The following C7 variants were observed in gnomAD, a reference collection of about 807,000 sequenced individuals.
C7 encodes the protein complement component C7.
A neutral mutation model predicts 104.8 loss-of-function variants in C7; 83 were observed. The observed-to-expected ratio is 0.79, with a 90% CI of 0.66 to 0.95. The LOEUF is 0.95. Ranked by LOEUF, C7 falls within the 40% of genes least tolerant of loss-of-function variation. C7 has a pLI of 0.00. For synonymous variants in C7, 415 were observed against 360.6 expected, an observed-to-expected ratio of 1.15 and a Z score of -1.71; for missense variants, 1,070 against 1,011.2, an observed-to-expected ratio of 1.06 and a Z score of -0.79.
At chr5:40,909,715 C>A in intron 1 of C7, 99 bp downstream of exon 1, 1 of 750,030 alleles carries the variant, frequency 1.3e-6, no homozygotes, top group Non-Finnish European at 2.0e-6. Flanking sequence ...TAATACCTAA[C>A]TGAAAGACAT....
At position 40,983,753 on chromosome 5, in the gene C7, A is replaced by T. The variant is rs1741003502; in HGVS notation, c.*2180A>T. Among the ~76,000 whole-genome samples the T allele has an allele frequency of 6.6e-6, 1 of 152,208 alleles. No individual in the cohort carries two copies. On this transcript the variant is annotated 3_prime_UTR_variant, in exon 18 of 18. Coordinates refer to ENST00000313164, the MANE Select transcript of C7 (RefSeq NM_000587.4). ...CTTGAACACCTATGGAGAGGCTTTG[A>T]GGAAAGTTAAGGGAATGATTTTATA...
intron 15 of C7, among the ~76,000 whole-genome samples, chr5:40,974,386 C>CTTT (rs1561260330): frequency 7.2e-6 from 1 of 139,324 alleles, no homozygotes; most frequent in African/African-American, 2.7e-5. Flanking sequence ...GTAATTCTAT[C>CTTT]GTTTTTTTTT....
rs115408234 is a variant in C7, at chr5:40,939,152, C to G, written c.567+1462C>G. ...GGGCCTTTTGCTTACCCAAATTAAC[C>G]TTCTCCAGAAAGCAGCTTTGATTAT... On this transcript the variant is annotated intron_variant, in intron 6 of 17. Coordinates refer to ENST00000313164, the MANE Select transcript of C7 (RefSeq NM_000587.4). 9.6e-3 allele frequency among the ~76,000 whole-genome samples: 1,469 copies of G among 152,264 alleles called. 24 individuals are homozygous for G. The highest frequency in any genetic ancestry group is 0.034 in the African/African-American group (1,417 of 41,544).
intron 1 of C7, among the ~76,000 whole-genome samples, chr5:40,914,645 G>A (rs1306227687): frequency 6.6e-6 from 1 of 152,090 alleles, no homozygotes; most frequent in Admixed American, 6.6e-5. Flanking sequence ...TTTGTATAAG[G>A]TGAGAGACAG....
chr5:40,962,835 A>G (rs538118853), intron 13 of C7, among the ~76,000 whole-genome samples: 4 of 152,278 alleles, frequency 2.6e-5, no homozygotes, highest in African/African-American at 9.6e-5. Flanking sequence ...GACTCTCTCC[A>G]TGTTACCAGC....
intron 12 of C7, among the ~76,000 whole-genome samples, chr5:40,961,515 G>T (rs369573509): frequency 1.3e-5 from 2 of 151,948 alleles, no homozygotes; most frequent in East Asian, 1.9e-4. Context: ...CTCCTAAGTG[G>T]CTGGGATTAC....
chr5:40,974,447 G>A (rs148701741), intron 15 of C7, among the ~76,000 whole-genome samples: 3 of 140,978 alleles, frequency 2.1e-5, no homozygotes, highest in East Asian at 2.1e-4. Context: ...ATGCAGTCTC[G>A]TTCTGTCACC....
At chr5:40,955,609 A>G (rs1159316813) in intron 10 of C7, 56 bp downstream of exon 10, 1 of 1,515,912 alleles carries the variant, frequency 6.6e-7, no homozygotes. Context: ...TTGCATGAGG[A>G]AAACGAAGGT....
intron 10 of C7, 139 bp downstream of exon 10, chr5:40,955,692 TA>T: frequency 1.5e-6 from 1 of 651,676 alleles, no homozygotes; most frequent in Non-Finnish European, 2.5e-6. Flanking sequence ...TTTTGTAGAG[TA>T]AAATGAATGC....
chr5:40,959,500 A>G lies in C7; in HGVS notation c.1541A>G (p.Gln514Arg). ...TGGTCCTCTTGGAGCCCCTGTGTCCAAGGGAAGAAAACAAGAAGCCGTGAA... is the reference window on the plus strand; with the variant it reads ...TGGTCCTCTTGGAGCCCCTGTGTCCGAGGGAAGAAAACAAGAAGCCGTGAA... ...SCWSSWSPCVQGKKTRSRECN... is the reference protein window; with the variant it reads ...SCWSSWSPCVRGKKTRSRECN... Residue 514 changes from glutamine to arginine, a missense_variant, in exon 12 of 18, where the codon CAA (glutamine) becomes CGA (arginine). By Grantham distance (43) the Gln-to-Arg change is conservative. Coordinates refer to ENST00000313164, the MANE Select transcript of C7 (RefSeq NM_000587.4). 1.2e-6 allele frequency: 2 copies of G among 1,611,584 alleles called. No homozygotes were observed. The highest frequency in any genetic ancestry group is 1.7e-6 in the Non-Finnish European group (2 of 1,179,358).
intron 6 of C7, among the ~76,000 whole-genome samples, chr5:40,938,635 T>G (rs1739865486): frequency 6.6e-6 from 1 of 152,182 alleles, no homozygotes; most frequent in Non-Finnish European, 1.5e-5. Context: ...GCAGTGGGGA[T>G]GAGTGGCCTC....
chr5:40,929,793 T>C (rs918742209), intron 2 of C7, among the ~76,000 whole-genome samples: 3 of 152,210 alleles, frequency 2.0e-5, no homozygotes, highest in African/African-American at 7.2e-5. Flanking sequence ...TAAGCTCAGA[T>C]TGTCCTCCTT....
At chr5:40,937,733 A>T in intron 6 of C7, 43 bp downstream of exon 6, 1 of 1,470,164 alleles carries the variant, frequency 6.8e-7, no homozygotes, top group Non-Finnish European at 9.2e-7. Flanking sequence ...ATTGTCAGAG[A>T]GCATTATTTA....
At position 40,978,160 on chromosome 5, in the gene C7, A is replaced by AAG. The variant is rs1554044802; in HGVS notation, c.2165+1320_2165+1321insAG. On this transcript the variant is annotated intron_variant, in intron 16 of 17. Transcript: ENST00000313164. ...AAAAAGAAAAAAAAAAAAAAAAAAAAGAACCAAAACACTAATTACTTGGTT... is the reference window on the plus strand; with the variant it reads ...AAAAAGAAAAAAAAAAAAAAAAAAAAAGGAACCAAAACACTAATTACTTGGTT... 4.0e-3 allele frequency among the ~76,000 whole-genome samples: 563 copies of AAG among 140,386 alleles called. 4 individuals are homozygous for AAG. Among genetic ancestry groups the AAG allele is most frequent in the African/African-American group, 0.014 (530 of 37,442 alleles). The allele number at this position is 140,386 out of a possible 152,430, so 92.1% of individuals were successfully genotyped here.
chr5:40,936,027 C>G (rs1256670484), intron 4 of C7, among the ~76,000 whole-genome samples: 3 of 152,086 alleles, frequency 2.0e-5, no homozygotes, highest in Non-Finnish European at 4.4e-5. Flanking sequence ...GGAAGTCAGT[C>G]TATTTTCTCA....
intron 2 of C7, among the ~76,000 whole-genome samples, chr5:40,928,836 C>T (rs1309725672): frequency 6.6e-6 from 1 of 151,988 alleles, no homozygotes; most frequent in African/African-American, 2.4e-5. Context: ...GAATAATTCT[C>T]TTGTAAAATT....
intron 11 of C7, among the ~76,000 whole-genome samples, chr5:40,958,660 T>C (rs1740355205): frequency 6.6e-6 from 1 of 152,242 alleles, no homozygotes; most frequent in Non-Finnish European, 1.5e-5. Flanking sequence ...TGATGTACTA[T>C]CAATCACTCA....
chr5:40,957,033 G>A (rs1250774122), intron 10 of C7, among the ~76,000 whole-genome samples: 1 of 152,174 alleles, frequency 6.6e-6, no homozygotes, highest in Non-Finnish European at 1.5e-5. Context: ...GAAAGAAAAG[G>A]CACTATGCAG....
At chr5:40,930,062 C>G (rs1739645703) in intron 2 of C7, among the ~76,000 whole-genome samples, 1 of 152,134 alleles carries the variant, frequency 6.6e-6, no homozygotes, top group Non-Finnish European at 1.5e-5. Context: ...CTCAAACTCT[C>G]CCTTATCTAT....
Sources: allele counts gnomAD v4.1 joint callset (sites outside exome capture counted in the v4.1 genomes callset), GRCh38; gene constraint gnomAD v4.1.1; transcripts MANE v1.5; gene names NCBI Gene and HGNC (gene_info 2026-07-23, HGNC 2026-07-21).